Variants in IQCM observed in about 807,000 individuals in gnomAD.
The protein encoded by IQCM is IQ motif containing M.
IQCM carries 45 observed loss-of-function variants against 57.6 expected under a neutral mutation model. The observed-to-expected ratio is 0.78, with a 90% CI of 0.62 to 1.00. IQCM has a LOEUF of 1.00. Ranked by LOEUF, IQCM falls within the 50% of genes least tolerant of loss-of-function variation. IQCM has a pLI of 0.00. For missense variants in IQCM, 468 were observed against 511.6 expected (o/e 0.91, Z 0.82); for synonymous variants, 148 against 158.9 (o/e 0.93, Z 0.51).
intron 2 of IQCM, among the ~76,000 whole-genome samples, chr4:149,782,810 T>C (rs1771732217): frequency 6.6e-6 from 1 of 152,120 alleles, no homozygotes; most frequent in Non-Finnish European, 1.5e-5. Flanking sequence ...GAAGACAGAT[T>C]TTATGATAAT....
In IQCM at chr4:149,682,223, G is replaced by A. The variant is rs1305729572; in HGVS notation, c.477-17C>T. The stretch of plus-strand genomic sequence containing the variant: ...ATTCTGTTTCTGAAACATTAAGTTG[G>A]ATCTTTAAGTAATTTGATAGTCCCT... On this transcript the variant is annotated splice_polypyrimidine_tract_variant and intron_variant, in intron 6 of 13. Transcript: ENST00000636793. 1 of 1,091,732 alleles carries A rather than the reference G, an allele frequency of 9.2e-7. No homozygotes were observed. The highest frequency in any genetic ancestry group is 1.2e-6 in the Non-Finnish European group (1 of 860,816). 67.6% of individuals were successfully genotyped at this position (1,091,732 alleles called of 1,614,324 possible). A position where few individuals can be genotyped will look rare whatever the true frequency, so the allele number is the denominator to read the frequency against.
At chr4:149,732,237 T>C (rs910689270) in intron 5 of IQCM, among the ~76,000 whole-genome samples, 4 of 152,162 alleles carry the variant, frequency 2.6e-5, no homozygotes, top group African/African-American at 7.2e-5. Flanking sequence ...CCAAAATTTA[T>C]TTCCTACCAC....
intron 12 of IQCM, among the ~76,000 whole-genome samples, chr4:149,520,356 C>A (rs918810530): frequency 6.6e-6 from 1 of 151,784 alleles, no homozygotes; most frequent in Non-Finnish European, 1.5e-5. Context: ...AGAACACGTT[C>A]CTGTTTTCCT....
At position 149,443,946 on chromosome 4, in the gene IQCM, G is replaced by A. The variant is rs574085743; in HGVS notation, c.1229-10389C>T. Among the ~76,000 whole-genome samples, 12 of 151,958 alleles carry A rather than the reference G, an allele frequency of 7.9e-5. No individual in the cohort carries two copies. The South Asian group carries it at 1.0e-3, about 13-fold the overall frequency. On this transcript the variant is annotated intron_variant, in intron 12 of 13. Coordinates refer to ENST00000636793, the MANE Select transcript of IQCM (RefSeq NM_001363507.2). Reference sequence around the variant, plus strand: ...TGATAAATTCTTATTTTATTAGTAGGATGTCAGTAGGGGAGATTGATAATT... The same window carrying A: ...TGATAAATTCTTATTTTATTAGTAGAATGTCAGTAGGGGAGATTGATAATT...
At chr4:149,736,563 G>T (rs1429010620) in intron 3 of IQCM, among the ~76,000 whole-genome samples, 1 of 152,016 alleles carries the variant, frequency 6.6e-6, no homozygotes, top group East Asian at 1.9e-4. Flanking sequence ...TACTATGAAG[G>T]TTTTCTCTAC....
At chr4:149,356,615 G>T (rs1312488619) in intron 13 of IQCM, among the ~76,000 whole-genome samples, 5 of 152,186 alleles carry the variant, frequency 3.3e-5, no homozygotes, top group African/African-American at 1.2e-4. Flanking sequence ...TCTCTGTTTT[G>T]GTAAGAGTAC....
At chr4:149,366,133 T>G (rs1345894701) in intron 13 of IQCM, among the ~76,000 whole-genome samples, 1 of 151,990 alleles carries the variant, frequency 6.6e-6, no homozygotes, top group Non-Finnish European at 1.5e-5. Flanking sequence ...TGGTACCAAC[T>G]TTTTTACTAT....
chr4:149,413,910 G>C (rs941798565), intron 13 of IQCM, among the ~76,000 whole-genome samples: 1 of 151,996 alleles, frequency 6.6e-6, no homozygotes, highest in African/African-American at 2.4e-5. Context: ...TCTGGAGATA[G>C]GTGCAAAATT....
intron 10 of IQCM, among the ~76,000 whole-genome samples, chr4:149,559,346 A>T (rs1209631107): frequency 6.6e-6 from 1 of 152,138 alleles, no homozygotes; most frequent in East Asian, 1.9e-4. Flanking sequence ...GAACGTTATT[A>T]ATCTGATTCC....
intron 2 of IQCM, among the ~76,000 whole-genome samples, chr4:149,753,585 G>T (rs1227786935): frequency 6.6e-6 from 1 of 151,942 alleles, no homozygotes; most frequent in African/African-American, 2.4e-5. Flanking sequence ...ATAAAGGAGG[G>T]TGTGGGGAGG....
At chr4:149,713,459 C>T (rs1211411456) in intron 5 of IQCM, among the ~76,000 whole-genome samples, 1 of 152,172 alleles carries the variant, frequency 6.6e-6, no homozygotes, top group Non-Finnish European at 1.5e-5. Flanking sequence ...AAAACAAAAC[C>T]ATGACTGGTC....
chr4:149,650,201 T>G (rs1579849133), intron 7 of IQCM, among the ~76,000 whole-genome samples: 1 of 152,142 alleles, frequency 6.6e-6, no homozygotes, highest in African/African-American at 2.4e-5. Context: ...ATACGTTTTA[T>G]GTCCTTATAA....
At chr4:149,497,578 C>A (rs1742793045) in intron 12 of IQCM, among the ~76,000 whole-genome samples, 2 of 151,940 alleles carry the variant, frequency 1.3e-5, no homozygotes, top group Non-Finnish European at 2.9e-5. Flanking sequence ...ATTATGAGAA[C>A]AGCACTGGAA....
chr4:149,371,393 G>T lies in IQCM; in HGVS notation c.1391-19327C>A, dbSNP rs4629424. ...TGTAGTACTGAGGCTGGCTCTGAGT[G>T]TCCTCTGATCAGGATAGGAGAACCC... On this transcript the variant is annotated intron_variant, in intron 13 of 13. Transcript: ENST00000636793. Among the ~76,000 whole-genome samples the T allele has an allele frequency of 2.6e-5, 4 of 152,054 alleles. No homozygotes were observed. The East Asian group carries it at 7.7e-4, about 29-fold the overall frequency.
At chr4:149,688,400 G>C (rs976554710) in intron 5 of IQCM, among the ~76,000 whole-genome samples, 1 of 151,824 alleles carries the variant, frequency 6.6e-6, no homozygotes, top group Non-Finnish European at 1.5e-5. Context: ...TAACCAAGGA[G>C]GCAAAAGACC....
At chr4:149,512,324 T>C (rs1368718808) in intron 12 of IQCM, among the ~76,000 whole-genome samples, 1 of 152,050 alleles carries the variant, frequency 6.6e-6, no homozygotes, top group African/African-American at 2.4e-5. Flanking sequence ...GGTATAGAAA[T>C]TGGGGATTTC....
At chr4:149,620,919 A>C (rs1473794452) in intron 8 of IQCM, among the ~76,000 whole-genome samples, 1 of 152,204 alleles carries the variant, frequency 6.6e-6, no homozygotes, top group African/African-American at 2.4e-5. Context: ...AATGACATGC[A>C]TATTGTGGGA....
intron 7 of IQCM, among the ~76,000 whole-genome samples, chr4:149,631,281 C>T (rs1757244164): frequency 6.6e-6 from 1 of 152,134 alleles, no homozygotes; most frequent in Non-Finnish European, 1.5e-5. Flanking sequence ...TGTACCTCTT[C>T]CCTTTGCTGA....
At chr4:149,770,791 C>A (rs1250815512) in intron 2 of IQCM, among the ~76,000 whole-genome samples, 1 of 152,028 alleles carries the variant, frequency 6.6e-6, no homozygotes, top group Non-Finnish European at 1.5e-5. Flanking sequence ...GGATAAAGAG[C>A]ACCTATGAAA....
Sources: gnomAD v4.1 joint callset for allele counts (sites outside exome capture counted in the v4.1 genomes callset) on GRCh38, gnomAD v4.1.1 for gene constraint, MANE v1.5 for transcripts, NCBI Gene and HGNC (gene_info 2026-07-23, HGNC 2026-07-21) for gene names.